SCP2: variants seen among roughly 807,000 people sequenced by gnomAD.
The protein encoded by SCP2 is SCP-2/3-oxoacyl-CoA thiolase.
SCP2 carries 48 observed loss-of-function variants against 71.4 expected under a neutral mutation model. The ratio of observed to expected loss-of-function variants is 0.67; its 90% confidence interval spans 0.53 to 0.86. The LOEUF is 0.86. SCP2 is among the 40% of genes least tolerant of loss of function. The pLI is 0.00. For synonymous variants in SCP2, 220 were observed against 218.1 expected, an observed-to-expected ratio of 1.01 and a Z score of -0.08; for missense variants, 560 against 655.6, an observed-to-expected ratio of 0.85 and a Z score of 1.59.
intron 8 of SCP2, among the ~76,000 whole-genome samples, chr1:52,977,978 AAAG>A: frequency 6.6e-6 from 1 of 152,082 alleles, no homozygotes. Flanking sequence ...AAAAAAAAAA[AAAG>A]AACTTTTTGG....
intron 1 of SCP2, among the ~76,000 whole-genome samples, chr1:52,941,504 AGG>A (rs1292026110): frequency 6.6e-6 from 1 of 152,048 alleles, no homozygotes; most frequent in Non-Finnish European, 1.5e-5. Context: ...TGGGAGGCCG[AGG>A]CAGGCAGATC....
chr1:52,993,319 T>G, intron 11 of SCP2: 1 of 1,614,218 alleles, frequency 6.2e-7, no homozygotes, highest in South Asian at 1.1e-5. Flanking sequence ...AAGCTTGATC[T>G]ACATTCATCC....
At chr1:52,993,303 C>T (rs749250151) in intron 11 of SCP2, 3 of 1,614,040 alleles carry the variant, frequency 1.9e-6, no homozygotes, top group South Asian at 1.1e-5. Context: ...CGGACAAGTT[C>T]ATGGAAAGCT....
intron 12 of SCP2, among the ~76,000 whole-genome samples, chr1:53,023,885 G>T (rs1048238447): frequency 6.6e-6 from 1 of 151,984 alleles, no homozygotes; most frequent in Admixed American, 6.6e-5. Context: ...TGATTACTTT[G>T]CCTTATACTT....
At chr1:53,039,682 G>T (rs1280675956) in intron 14 of SCP2, among the ~76,000 whole-genome samples, 1 of 152,154 alleles carries the variant, frequency 6.6e-6, no homozygotes, top group East Asian at 1.9e-4. Flanking sequence ...GGCCTCTCTT[G>T]ATGGTTTCTT....
At chr1:53,039,979 T>G (rs1663303512) in intron 14 of SCP2, among the ~76,000 whole-genome samples, 1 of 152,212 alleles carries the variant, frequency 6.6e-6, no homozygotes, top group African/African-American at 2.4e-5. Flanking sequence ...AATTGGTAAA[T>G]TGCTCCTGTG....
At chr1:52,935,552 T>C (rs1405647769) in intron 1 of SCP2, among the ~76,000 whole-genome samples, 1 of 145,594 alleles carries the variant, frequency 6.9e-6, no homozygotes, top group Non-Finnish European at 1.5e-5. Flanking sequence ...ATTGTGCCAC[T>C]GCACTTCAGC....
chr1:53,000,759 C>A (rs1012380117), intron 11 of SCP2, among the ~76,000 whole-genome samples: 1 of 152,038 alleles, frequency 6.6e-6, no homozygotes, highest in Non-Finnish European at 1.5e-5. Context: ...GAGTTCGAGA[C>A]CAACCTGGGC....
At chr1:53,012,752 T>G (rs1661063923) in intron 11 of SCP2, among the ~76,000 whole-genome samples, 1 of 152,218 alleles carries the variant, frequency 6.6e-6, no homozygotes, top group African/African-American at 2.4e-5. Context: ...TGTATAGAGG[T>G]GGCTATCTTG....
intron 6 of SCP2, among the ~76,000 whole-genome samples, chr1:52,973,179 C>T (rs1234981912): frequency 6.6e-6 from 1 of 152,140 alleles, no homozygotes; most frequent in African/African-American, 2.4e-5. Context: ...TAATTAATGC[C>T]TGTTGTTTCA....
chr1:52,959,831 G>T (rs1394282883), intron 5 of SCP2, among the ~76,000 whole-genome samples: 1 of 151,482 alleles, frequency 6.6e-6, no homozygotes, highest in Non-Finnish European at 1.5e-5. Flanking sequence ...CTTTTGTCAG[G>T]GTGATCATGG....
intron 10 of SCP2, among the ~76,000 whole-genome samples, chr1:52,984,054 G>C (rs1275620791): frequency 6.6e-6 from 1 of 152,202 alleles, no homozygotes; most frequent in African/African-American, 2.4e-5. Context: ...GTAAGCCTGA[G>C]ACTTGTACAG....
intron 12 of SCP2, among the ~76,000 whole-genome samples, chr1:53,024,509 A>C (rs1661973053): frequency 6.6e-6 from 1 of 152,108 alleles, no homozygotes; most frequent in South Asian, 2.1e-4. Flanking sequence ...ATATTTTTTA[A>C]AAGTTATAGG....
chr1:53,019,186 G>A (rs909362781), intron 12 of SCP2, among the ~76,000 whole-genome samples: 8 of 152,166 alleles, frequency 5.3e-5, no homozygotes, highest in South Asian at 2.1e-4. Flanking sequence ...CATCTACCAT[G>A]TTTTCCTCTG....
intron 11 of SCP2, among the ~76,000 whole-genome samples, chr1:53,014,056 C>A (rs1022493696): frequency 1.3e-4 from 19 of 142,444 alleles, no homozygotes; most frequent in Admixed American, 2.2e-4. Flanking sequence ...CCACCACGCC[C>A]GGCTAATTTT....
At chr1:53,010,432 G>A (rs973004416) in intron 11 of SCP2, among the ~76,000 whole-genome samples, 7 of 152,170 alleles carry the variant, frequency 4.6e-5, no homozygotes, top group East Asian at 3.8e-4. Flanking sequence ...TATACACCAC[G>A]GAATACTATG....
At position 52,980,412 on chromosome 1, in the gene SCP2, G is replaced by C. The variant is rs757589915; in HGVS notation, c.842G>C (p.Ser281Thr). Residue 281 changes from serine to threonine, a missense_variant, in exon 10 of 16, where the codon AGT becomes ACT. Transcript: ENST00000371514. ...SIIKMVGFDM[S>T]KEAARKCYEK... ...TGGTTTTAGGTTGGCTTTGATATGAGTAAAGAAGCTGCAAGAAAATGCTAT... is the reference window on the plus strand; with the variant it reads ...TGGTTTTAGGTTGGCTTTGATATGACTAAAGAAGCTGCAAGAAAATGCTAT... 6.2e-7 allele frequency: 1 copy of C among 1,614,116 alleles called. No individual in the cohort carries two copies. Among genetic ancestry groups the C allele is most frequent in the Non-Finnish European group, 8.5e-7 (1 of 1,180,006 alleles).
intron 6 of SCP2, chr1:52,963,786 A>G (rs1656692351): frequency 6.6e-6 from 1 of 152,196 alleles, no homozygotes; most frequent in Admixed American, 6.5e-5. Flanking sequence ...ACTTCTTCTA[A>G]TAGGTGATAG....
chr1:53,002,723 T>C (rs1660396333), intron 11 of SCP2, among the ~76,000 whole-genome samples: 1 of 152,250 alleles, frequency 6.6e-6, no homozygotes, highest in Non-Finnish European at 1.5e-5. Flanking sequence ...ACGTATATTA[T>C]TATTCTATCC....
Sources: gnomAD v4.1 joint callset for allele counts (sites outside exome capture counted in the v4.1 genomes callset) on GRCh38, gnomAD v4.1.1 for gene constraint, MANE v1.5 for transcripts, NCBI Gene and HGNC (gene_info 2026-07-23, HGNC 2026-07-21) for gene names.